REG4: variants seen among roughly 807,000 people sequenced by gnomAD.
The protein encoded by REG4 is regenerating family member 4.
In REG4, 16 loss-of-function variants were observed where a neutral mutation model predicts 22.3. The observed-to-expected ratio is 0.72, with a 90% CI of 0.49 to 1.09. The LOEUF (loss-of-function observed/expected upper bound fraction) is 1.09. Among genes scored for constraint, REG4 ranks in the 50% least tolerant of loss-of-function variants. The pLI is 0.00. For missense variants in REG4, 214 were observed against 193.9 expected, an observed-to-expected ratio of 1.10 and a Z score of -0.61; for synonymous variants, 71 against 69.2, an observed-to-expected ratio of 1.03 and a Z score of -0.13.
chr1:119,797,716 C>T (rs587718233), intron 5 of REG4, among the ~76,000 whole-genome samples: 2 of 152,198 alleles, frequency 1.3e-5, no homozygotes, highest in Admixed American at 6.5e-5. Flanking sequence ...TGGTTCTCAC[C>T]AGGGGGTGAA....
chr1:119,806,203 A>C (rs932555363), intron 2 of REG4, among the ~76,000 whole-genome samples: 2 of 152,100 alleles, frequency 1.3e-5, no homozygotes, highest in African/African-American at 2.4e-5. Context: ...TGGTGTCTCA[A>C]AGTTCTGGGA....
At chr1:119,803,628 C>T (rs1654195236) in intron 2 of REG4, among the ~76,000 whole-genome samples, 1 of 152,220 alleles carries the variant, frequency 6.6e-6, no homozygotes, top group South Asian at 2.1e-4. Flanking sequence ...GGAATAGATT[C>T]TCAGCAGCTG....
chr1:119,794,785 G>T, intron 5 of REG4, 100 bp from the exon 6 acceptor site: 1 of 980,562 alleles, frequency 1.0e-6, no homozygotes. Context: ...AAGGCAATAT[G>T]ATGGTTGACT....
intron 3 of REG4, chr1:119,801,749 G>C (rs1480008038): frequency 6.6e-6 from 1 of 152,344 alleles, no homozygotes; most frequent in African/African-American, 2.4e-5. Flanking sequence ...TGTTGGGTTT[G>C]AGGGGTCCTC....
intron 2 of REG4, among the ~76,000 whole-genome samples, chr1:119,805,118 A>G (rs1654257104): frequency 6.6e-6 from 1 of 152,186 alleles, no homozygotes; most frequent in Non-Finnish European, 1.5e-5. Flanking sequence ...CGAGAAATTC[A>G]AAACTTAGCA....
chr1:119,797,161 G>T (rs1653958143), intron 5 of REG4, among the ~76,000 whole-genome samples: 1 of 149,858 alleles, frequency 6.7e-6, no homozygotes, highest in African/African-American at 2.4e-5. Flanking sequence ...CTACTTCCTG[G>T]GGTAGCTCAT....
intron 2 of REG4, among the ~76,000 whole-genome samples, chr1:119,805,993 G>A (rs192585553): frequency 1.9e-3 from 292 of 152,232 alleles, no homozygotes; most frequent in African/African-American, 6.7e-3. Context: ...GGGCAGCGGC[G>A]CCATCTCGGC....
Position 119,794,439 on chromosome 1 carries a change from C to T in REG4, c.*179G>A, listed in dbSNP as rs1653868678. On this transcript the variant is annotated 3_prime_UTR_variant, in exon 6 of 6. Transcript: ENST00000256585. ...CGGGGCAAACATTTAGAGCTAGAAG[C>T]CACTACTGGGCCAATGCTAAAGTTT... The T allele has an allele frequency of 1.5e-6, 1 of 670,712 alleles. No homozygotes were observed. The highest frequency in any genetic ancestry group is 1.8e-5 in the African/African-American group (1 of 55,508). 41.5% of individuals were successfully genotyped at this position (670,712 alleles called of 1,614,324 possible). A position where few individuals can be genotyped will look rare whatever the true frequency, so the allele number is the denominator to read the frequency against.
Position 119,798,578 on chromosome 1 carries a change from C to A in REG4, c.328G>T (p.Gly110Trp). Residue 110 changes from glycine to tryptophan, a missense_variant, in exon 5 of 6, where the codon GGG becomes TGG. Physicochemically the swap from Gly to Trp is radical, Grantham distance 184. Coordinates refer to ENST00000256585, the MANE Select transcript of REG4 (RefSeq NM_032044.4). ...CAGGATCTGTACAGATACATGGCCC[C>A]ATCAATCCACTGCCACTGCTGCCTC... ...QKRQQWQWID[G>W]AMYLYRSWSG... 1 of 1,614,188 alleles carries A rather than the reference C, an allele frequency of 6.2e-7. No individual in the cohort carries two copies.
At position 119,803,162 on chromosome 1, in the gene REG4, A is replaced by G; in HGVS notation, c.71T>C (p.Ile24Thr). Reference sequence around the variant, plus strand: ...AGGAGCACAGCTGGGTCTCATGATGATATCTGCACATAAACAAAAGGCAAT... The same window carrying G: ...AGGAGCACAGCTGGGTCTCATGATGGTATCTGCACATAAACAAAAGGCAAT... ...CLAKTGVLGDIIMRPSCAPGW... is the reference protein window; with the variant it reads ...CLAKTGVLGDTIMRPSCAPGW... The change falls in exon 3 of 6, where the codon ATC (isoleucine) becomes ACC (threonine). Residue 24 changes from isoleucine to threonine, a missense_variant. Transcript: ENST00000256585. The G allele has an allele frequency of 6.6e-7, 1 of 1,513,720 alleles. No individual in the cohort carries two copies. Among genetic ancestry groups the G allele is most frequent in the African/African-American group, 1.4e-5 (1 of 71,676 alleles). 93.8% of individuals were successfully genotyped at this position (1,513,720 alleles called of 1,614,324 possible). A position where few individuals can be genotyped will look rare whatever the true frequency, so the allele number is the denominator to read the frequency against.
intron 4 of REG4, 48 bp downstream of exon 4, chr1:119,799,677 C>T (rs1654039400): frequency 3.1e-6 from 5 of 1,594,036 alleles, no homozygotes; most frequent in African/African-American, 1.3e-5. Flanking sequence ...AAAGAGGATG[C>T]CAGCCTGGCT....
At chr1:119,806,294 C>T (rs75000381) in intron 2 of REG4, among the ~76,000 whole-genome samples, 65 of 152,232 alleles carry the variant, frequency 4.3e-4, no homozygotes, top group African/African-American at 1.5e-3. Flanking sequence ...AGGTCCAGGC[C>T]GTTTACATAT....
intron 5 of REG4, among the ~76,000 whole-genome samples, chr1:119,796,783 A>G (rs1472327319): frequency 6.6e-6 from 1 of 152,184 alleles, no homozygotes; most frequent in East Asian, 1.9e-4. Context: ...AGAGAGCTTC[A>G]GGCTTCTGGT....
intron 5 of REG4, among the ~76,000 whole-genome samples, chr1:119,797,249 C>T (rs915506330): frequency 6.6e-6 from 1 of 152,060 alleles, no homozygotes; most frequent in Non-Finnish European, 1.5e-5. Flanking sequence ...TAGCCTCTAC[C>T]TATTGGTTTT....
intron 1 of REG4, 74 bp from the exon 2 acceptor site, chr1:119,808,937 C>A: frequency 1.9e-6 from 1 of 528,338 alleles, no homozygotes; most frequent in African/African-American, 2.0e-5. Flanking sequence ...GAAAATAATA[C>A]AATATTTTCC....
chr1:119,809,427 G>A (rs976033305), intron 1 of REG4, among the ~76,000 whole-genome samples: 12 of 152,056 alleles, frequency 7.9e-5, no homozygotes, highest in African/African-American at 2.9e-4. Flanking sequence ...AAAGAACATG[G>A]CTTTATCTTT....
intron 2 of REG4, 58 bp downstream of exon 2, chr1:119,808,645 A>C (rs1654399448): frequency 8.2e-7 from 1 of 1,222,474 alleles, no homozygotes; most frequent in East Asian, 2.3e-5. Flanking sequence ...TGACTGTCTC[A>C]CATGGGCTGT....
chr1:119,798,382 T>G, intron 5 of REG4, 115 bp downstream of exon 5: 1 of 758,438 alleles, frequency 1.3e-6, no homozygotes, highest in Admixed American at 1.9e-5. Flanking sequence ...GAGAAAAGAG[T>G]TGTTGGTGTG....
At chr1:119,800,747 G>T (rs587680600) in intron 3 of REG4, among the ~76,000 whole-genome samples, 2 of 152,306 alleles carry the variant, frequency 1.3e-5, no homozygotes, top group South Asian at 4.1e-4. Flanking sequence ...TCCTCCAGAG[G>T]AGAGGAGACT....
Sources: allele counts gnomAD v4.1 joint callset (sites outside exome capture counted in the v4.1 genomes callset), GRCh38; gene constraint gnomAD v4.1.1; transcripts MANE v1.5; gene names NCBI Gene and HGNC (gene_info 2026-07-23, HGNC 2026-07-21).